SLC44A5: variants seen among roughly 807,000 people sequenced by gnomAD.
SLC44A5 encodes choline transporter-like protein 5.
In SLC44A5, 57 loss-of-function variants were observed where a neutral mutation model predicts 101.8. That is an observed-to-expected ratio of 0.56 (90% CI 0.45 to 0.70). SLC44A5 has a LOEUF of 0.70. Ranked by LOEUF, SLC44A5 falls within the 30% of genes least tolerant of loss-of-function variation. The probability of loss-of-function intolerance (pLI) is 0.00; values close to 1 mark genes in which losing one functional copy is unlikely to be tolerated. For missense variants in SLC44A5, 737 were observed against 853.1 expected, an observed-to-expected ratio of 0.86 and a Z score of 1.70; for synonymous variants, 281 against 290.9, an observed-to-expected ratio of 0.97 and a Z score of 0.35.
chr1:75,430,581 T>C (rs954388084), intron 2 of SLC44A5, among the ~76,000 whole-genome samples: 3 of 152,184 alleles, frequency 2.0e-5, no homozygotes, highest in Non-Finnish European at 2.9e-5. Flanking sequence ...AGGGCTGTCA[T>C]TGATGTGCCA....
chr1:75,672,291 G>A, the SLC44A5 span, among the ~76,000 whole-genome samples: 1 of 152,122 alleles, frequency 6.6e-6, no homozygotes, highest in Non-Finnish European at 1.5e-5. Flanking sequence ...GTGTACTTTG[G>A]GGAGGGAAAG....
At chr1:75,634,534 A>G in the SLC44A5 span, among the ~76,000 whole-genome samples, 140 of 151,362 alleles carry the variant, frequency 9.2e-4, no homozygotes, top group Admixed American at 3.6e-3. Flanking sequence ...CTGATCTTTG[A>G]CAAACCTGAG....
the SLC44A5 span, among the ~76,000 whole-genome samples, chr1:75,710,764 G>A: frequency 3.3e-5 from 5 of 152,046 alleles, no homozygotes; most frequent in South Asian, 4.2e-4. Flanking sequence ...TATTTTAAGA[G>A]GTTTTACTGT....
rs576080842 is a variant in SLC44A5, at chr1:75,284,015, GA to G, written c.176-8974del. 1.1e-4 allele frequency among the ~76,000 whole-genome samples: 17 copies of G among 152,110 alleles called. No homozygotes were observed. The South Asian group carries it at 3.3e-3, about 30-fold the overall frequency. ...CTTTTTGATTCCATATGAATTTTAAGATTGTTTTTTCGACTTCTGTGAAGAA... is the reference window on the plus strand; with the variant it reads ...CTTTTTGATTCCATATGAATTTTAAGTTGTTTTTTCGACTTCTGTGAAGAA... On this transcript the variant is annotated intron_variant, in intron 5 of 23. Coordinates refer to ENST00000370859, the MANE Select transcript of SLC44A5 (RefSeq NM_001130058.2).
intron 1 of SLC44A5, among the ~76,000 whole-genome samples, chr1:75,607,454 T>C (rs951841105): frequency 8.2e-5 from 12 of 147,182 alleles, no homozygotes; most frequent in African/African-American, 3.3e-4. Context: ...AATTGACAAA[T>C]AAAGACTGTA....
intron 11 of SLC44A5, among the ~76,000 whole-genome samples, chr1:75,234,442 T>C (rs1647885462): frequency 6.6e-6 from 1 of 152,088 alleles, no homozygotes; most frequent in Admixed American, 6.6e-5. Context: ...CCTTCCTACC[T>C]ATCTACTAGG....
chr1:75,209,605 G>C (rs575438617), intron 23 of SLC44A5, among the ~76,000 whole-genome samples: 1 of 152,120 alleles, frequency 6.6e-6, no homozygotes, highest in Non-Finnish European at 1.5e-5. Context: ...AGTACATAAA[G>C]TTCTCTTGAA....
chr1:75,517,451 T>TA (rs1009459308), intron 2 of SLC44A5, among the ~76,000 whole-genome samples: 2 of 149,650 alleles, frequency 1.3e-5, no homozygotes, highest in Middle Eastern at 3.4e-3. Context: ...CTTTATGACC[T>TA]AAAAAAAAGG....
At chr1:75,422,934 C>T (rs1005896597) in intron 2 of SLC44A5, among the ~76,000 whole-genome samples, 1 of 152,190 alleles carries the variant, frequency 6.6e-6, no homozygotes, top group Non-Finnish European at 1.5e-5. Context: ...GACCTCTTCT[C>T]TTCCTGTTGT....
chr1:75,274,974 T>G lies in SLC44A5; in HGVS notation c.244A>C (p.Lys82Gln), dbSNP rs1430999019. The change falls in exon 6 of 24, where the codon AAG becomes CAG. Residue 82 changes from lysine to glutamine, a missense_variant. Around this residue, in one of 3 missense-constraint regions of SLC44A5, gnomAD observed 665 missense variants for 764.4 expected, o/e 0.87. Transcript: ENST00000370859. ...CATACTCACTCATTGGGAGTGCCCT[T>G]CTGGCCACAAAAGTGGCCCTGGCTG... Reference protein sequence around the residue: ...TDSQGHFCGQKGTPNENKTIL... With the variant: ...TDSQGHFCGQQGTPNENKTIL... The G allele has an allele frequency of 1.9e-6, 3 of 1,612,586 alleles. No individual in the cohort carries two copies.
At chr1:75,360,114 A>G (rs1553166610) in intron 3 of SLC44A5, among the ~76,000 whole-genome samples, 1 of 152,012 alleles carries the variant, frequency 6.6e-6, no homozygotes, top group Non-Finnish European at 1.5e-5. Flanking sequence ...CCACTCGCAA[A>G]TTGTCTGCCT....
the SLC44A5 span, among the ~76,000 whole-genome samples, chr1:75,699,526 T>C: frequency 6.7e-6 from 1 of 150,334 alleles, no homozygotes; most frequent in Non-Finnish European, 1.5e-5. Context: ...AAGGAACAAC[T>C]GGTACCAGCC....
At chr1:75,672,894 G>A in the SLC44A5 span, among the ~76,000 whole-genome samples, 1 of 151,980 alleles carries the variant, frequency 6.6e-6, no homozygotes, top group East Asian at 1.9e-4. Context: ...ACTCAGTCCT[G>A]GCAAGATTAA....
intron 1 of SLC44A5, among the ~76,000 whole-genome samples, chr1:75,571,785 T>C (rs1291227814): frequency 6.6e-6 from 1 of 152,082 alleles, no homozygotes; most frequent in East Asian, 1.9e-4. Context: ...AGGACATAAC[T>C]CCACTAAGTT....
intron 23 of SLC44A5, among the ~76,000 whole-genome samples, chr1:75,209,862 T>A (rs1488953880): frequency 6.6e-6 from 1 of 152,092 alleles, no homozygotes; most frequent in Admixed American, 6.6e-5. Flanking sequence ...TTAAGGGCAA[T>A]GTGCTAGAGA....
intron 2 of SLC44A5, among the ~76,000 whole-genome samples, chr1:75,526,297 C>T (rs994537437): frequency 2.6e-5 from 4 of 152,230 alleles, no homozygotes; most frequent in Non-Finnish European, 5.9e-5. Flanking sequence ...CAGTAACTAA[C>T]TTCCTTCTAG....
At chr1:75,297,941 TA>T (rs965278827) in intron 5 of SLC44A5, among the ~76,000 whole-genome samples, 10 of 151,848 alleles carry the variant, frequency 6.6e-5, no homozygotes, top group Non-Finnish European at 1.3e-4. Context: ...GCAGATTTTG[TA>T]AAAAAACAAA....
chr1:75,469,009 C>T (rs1666968118), intron 2 of SLC44A5, among the ~76,000 whole-genome samples: 1 of 151,904 alleles, frequency 6.6e-6, no homozygotes, highest in Non-Finnish European at 1.5e-5. Flanking sequence ...ATATTGCATG[C>T]CAGGTATGCA....
At chr1:75,442,829 T>C (rs1464496049) in intron 2 of SLC44A5, among the ~76,000 whole-genome samples, 2 of 152,140 alleles carry the variant, frequency 1.3e-5, no homozygotes, top group Non-Finnish European at 2.9e-5. Flanking sequence ...TAAATAATTT[T>C]CAACACAGTC....
Sources: gnomAD v4.1 joint callset for allele counts (sites outside exome capture counted in the v4.1 genomes callset) on GRCh38, gnomAD v4.1.1 for gene constraint, gnomAD v4.1.1 regional missense constraint, MANE v1.5 for transcripts, NCBI Gene and HGNC (gene_info 2026-07-23, HGNC 2026-07-21) for gene names.